The following TENM2 variants were observed in gnomAD, a reference collection of about 807,000 sequenced individuals.
TENM2 encodes teneurin transmembrane protein 2.
TENM2 carries 52 observed loss-of-function variants against 245.2 expected under a neutral mutation model. The ratio of observed to expected loss-of-function variants is 0.21; its 90% confidence interval spans 0.17 to 0.27. The LOEUF (loss-of-function observed/expected upper bound fraction) is 0.27. Ranked by LOEUF, TENM2 falls within the 10% of genes least tolerant of loss-of-function variation. TENM2 has a pLI of 1.00. For synonymous variants in TENM2, 1,363 were observed against 1,438.9 expected, an observed-to-expected ratio of 0.95 and a Z score of 1.19; for missense variants, 3,046 against 3,666.8, an observed-to-expected ratio of 0.83 and a Z score of 4.37.
chr5:167,697,380 C>T (rs536339037), intron 2 of TENM2, among the ~76,000 whole-genome samples: 322 of 152,252 alleles, frequency 2.1e-3, no homozygotes, highest in Middle Eastern at 6.8e-3. Context: ...ATTGTAATCA[C>T]GTATGCATCC....
At chr5:167,215,472 T>C in the TENM2 span, among the ~76,000 whole-genome samples, 2 of 152,014 alleles carry the variant, frequency 1.3e-5, no homozygotes, top group African/African-American at 4.8e-5. Context: ...GGGTGGAAAA[T>C]AGCTTTTACA....
At chr5:166,986,050 C>A in the TENM2 span, among the ~76,000 whole-genome samples, 1 of 152,238 alleles carries the variant, frequency 6.6e-6, no homozygotes. Flanking sequence ...AAGTACATCC[C>A]TCAGCTGTGC....
the TENM2 span, among the ~76,000 whole-genome samples, chr5:167,158,850 T>C: frequency 4.0e-3 from 279 of 69,234 alleles, 3 homozygotes; most frequent in African/African-American, 0.015. Context: ...TAGCAGCCCT[T>C]CCTTCCTTCC....
intron 2 of TENM2, among the ~76,000 whole-genome samples, chr5:167,814,641 T>C (rs1427267002): frequency 6.6e-6 from 1 of 150,706 alleles, no homozygotes; most frequent in Admixed American, 6.6e-5. Flanking sequence ...AAAAAAAAGT[T>C]TTAATATTTA....
At chr5:167,324,770 TCA>T (rs1756987502) in intron 1 of TENM2, among the ~76,000 whole-genome samples, 1 of 152,188 alleles carries the variant, frequency 6.6e-6, no homozygotes, top group Admixed American at 6.5e-5. Flanking sequence ...ATGATAATAA[TCA>T]TATTAGTATT....
At chr5:167,205,779 C>G in the TENM2 span, among the ~76,000 whole-genome samples, 1 of 152,230 alleles carries the variant, frequency 6.6e-6, no homozygotes, top group Admixed American at 6.5e-5. Flanking sequence ...TATCAGCAAG[C>G]CTGCATCTCT....
chr5:167,802,726 T>A (rs545552105), intron 2 of TENM2, among the ~76,000 whole-genome samples: 1 of 152,264 alleles, frequency 6.6e-6, no homozygotes, highest in East Asian at 1.9e-4. Context: ...GCTTCTTTAT[T>A]GCATCTTCTG....
intron 2 of TENM2, among the ~76,000 whole-genome samples, chr5:167,864,102 G>A (rs1772093836): frequency 6.6e-6 from 1 of 152,154 alleles, no homozygotes; most frequent in African/African-American, 2.4e-5. Flanking sequence ...AGGAACGGGT[G>A]GGGTACTGTG....
At chr5:167,238,464 A>G in the TENM2 span, among the ~76,000 whole-genome samples, 1 of 152,170 alleles carries the variant, frequency 6.6e-6, no homozygotes, top group Non-Finnish European at 1.5e-5. Context: ...CTCCATGAAG[A>G]TAGGCTTGGA....
At chr5:167,011,688 G>C in the TENM2 span, among the ~76,000 whole-genome samples, 18 of 152,204 alleles carry the variant, frequency 1.2e-4, no homozygotes, top group Non-Finnish European at 2.6e-4. Flanking sequence ...GAAAATTTGA[G>C]ACTACCCAGG....
At chr5:167,048,186 C>T in the TENM2 span, among the ~76,000 whole-genome samples, 1 of 152,116 alleles carries the variant, frequency 6.6e-6, no homozygotes, top group African/African-American at 2.4e-5. Flanking sequence ...TTTGGGTTAG[C>T]ATTTAGCATT....
At chr5:166,998,818 T>C in the TENM2 span, among the ~76,000 whole-genome samples, 1 of 152,116 alleles carries the variant, frequency 6.6e-6, no homozygotes, top group African/African-American at 2.4e-5. Context: ...TATATGCCTG[T>C]TTACAAAAGT....
At chr5:167,521,861 A>G (rs1038710890) in intron 2 of TENM2, among the ~76,000 whole-genome samples, 1 of 152,130 alleles carries the variant, frequency 6.6e-6, no homozygotes, top group Non-Finnish European at 1.5e-5. Flanking sequence ...TTACCTTTAG[A>G]AATAAAATTT....
At chr5:167,360,005 A>G (rs901202516) in intron 1 of TENM2, among the ~76,000 whole-genome samples, 1 of 152,270 alleles carries the variant, frequency 6.6e-6, no homozygotes, top group South Asian at 2.1e-4. Flanking sequence ...AACGACAGAC[A>G]CTGGGGTCTA....
intron 2 of TENM2, among the ~76,000 whole-genome samples, chr5:167,676,340 C>T (rs1756324590): frequency 6.6e-6 from 1 of 152,030 alleles, no homozygotes; most frequent in Admixed American, 6.6e-5. Flanking sequence ...CATCGCTAAA[C>T]AATTATCCCA....
At chr5:167,599,820 A>G (rs555943140) in intron 2 of TENM2, among the ~76,000 whole-genome samples, 16 of 152,246 alleles carry the variant, frequency 1.1e-4, no homozygotes, top group Middle Eastern at 3.4e-3. Context: ...CTTGTGGAGT[A>G]TAAAAGCACA....
chr5:166,997,912 A>G, the TENM2 span, among the ~76,000 whole-genome samples: 2 of 152,108 alleles, frequency 1.3e-5, no homozygotes, highest in African/African-American at 4.8e-5. Context: ...CAACAGATAA[A>G]TATAATTTCA....
intron 2 of TENM2, among the ~76,000 whole-genome samples, chr5:167,528,285 A>G (rs1183507714): frequency 3.3e-5 from 5 of 152,062 alleles, no homozygotes; most frequent in Non-Finnish European, 7.4e-5. Context: ...ATGGACTGTG[A>G]GATTTCTTGG....
At chr5:167,636,655 C>A (rs1349799279) in intron 2 of TENM2, among the ~76,000 whole-genome samples, 3 of 152,164 alleles carry the variant, frequency 2.0e-5, no homozygotes, top group Non-Finnish European at 4.4e-5. Context: ...TTATTTTGCA[C>A]CACAGTCATG....
Sources: gnomAD v4.1 joint callset for allele counts (sites outside exome capture counted in the v4.1 genomes callset) on GRCh38, gnomAD v4.1.1 for gene constraint, MANE v1.5 for transcripts, NCBI Gene and HGNC (gene_info 2026-07-23, HGNC 2026-07-21) for gene names.